PTPRD: variants seen among roughly 807,000 people sequenced by gnomAD.
PTPRD encodes protein tyrosine phosphatase receptor type D.
PTPRD carries 34 observed loss-of-function variants against 214.5 expected under a neutral mutation model. The ratio of observed to expected loss-of-function variants is 0.16; its 90% CI spans 0.12 to 0.21. The LOEUF is 0.21. Ranked by LOEUF, PTPRD falls within the 10% of genes least tolerant of loss-of-function variation. The probability of loss-of-function intolerance (pLI) is 1.00; values close to 1 mark genes in which losing one functional copy is unlikely to be tolerated. For missense variants in PTPRD, 2,545 were observed against 2,398.7 expected (o/e 1.06, Z -1.27); for synonymous variants, 1,128 against 845.7 (o/e 1.33, Z -5.79).
At chr9:10,377,364 A>C (rs1463606744) in intron 2 of PTPRD, among the ~76,000 whole-genome samples, 1 of 151,974 alleles carries the variant, frequency 6.6e-6, no homozygotes, top group Non-Finnish European at 1.5e-5. Context: ...ATATGTATAC[A>C]TGTGCCATGT....
rs201427615 is a variant in PTPRD at position 9,717,954 on chromosome 9, G to C, written c.-287+16579C>G. Among the ~76,000 whole-genome samples, 4 of 152,142 alleles carry C rather than the reference G, an allele frequency of 2.6e-5. No individual in the cohort carries two copies. The East Asian group carries it at 7.8e-4, about 29-fold the overall frequency. ...AAATAAAAAAATCCATTTTGTCTTTGTAAATCTAAGTATAAATTCAAATCA... is the reference window on the plus strand; with the variant it reads ...AAATAAAAAAATCCATTTTGTCTTTCTAAATCTAAGTATAAATTCAAATCA... On this transcript the variant is annotated intron_variant, in intron 7 of 45. Coordinates refer to ENST00000381196, the MANE Select transcript of PTPRD (RefSeq NM_002839.4).
At chr9:9,860,405 A>G (rs2153689196) in intron 5 of PTPRD, among the ~76,000 whole-genome samples, 1 of 152,336 alleles carries the variant, frequency 6.6e-6, no homozygotes, top group Non-Finnish European at 1.5e-5. Flanking sequence ...AAGTAGGTAC[A>G]TTTGCCTTAT....
chr9:10,479,737 G>T (rs1315756664), intron 2 of PTPRD, among the ~76,000 whole-genome samples: 1 of 151,986 alleles, frequency 6.6e-6, no homozygotes, highest in Non-Finnish European at 1.5e-5. Context: ...AGGTAAGGTC[G>T]CTTGAGCCCA....
chr9:9,075,592 G>A (rs1368581596), intron 10 of PTPRD, among the ~76,000 whole-genome samples: 1 of 151,914 alleles, frequency 6.6e-6, no homozygotes, highest in Non-Finnish European at 1.5e-5. Context: ...CCTGATGTGT[G>A]ATGTTCCCCA....
At chr9:10,422,599 A>G (rs1419980955) in intron 2 of PTPRD, among the ~76,000 whole-genome samples, 2 of 152,006 alleles carry the variant, frequency 1.3e-5, no homozygotes, top group African/African-American at 2.4e-5. Context: ...ACTTAAACAA[A>G]TTTACAAGAA....
chr9:9,993,936 A>C (rs2096037975), intron 4 of PTPRD, among the ~76,000 whole-genome samples: 1 of 152,206 alleles, frequency 6.6e-6, no homozygotes, highest in Non-Finnish European at 1.5e-5. Flanking sequence ...CATCTTTTAG[A>C]GTACTACTAC....
At chr9:10,580,347 AT>A (rs1275805244) in intron 2 of PTPRD, among the ~76,000 whole-genome samples, 9 of 152,184 alleles carry the variant, frequency 5.9e-5, no homozygotes, top group African/African-American at 2.2e-4. Context: ...ATGTGATTTG[AT>A]TTCAATCAAC....
In PTPRD at chr9:9,577,106, G is replaced by A. The variant is rs140675056; in HGVS notation, c.-286-2325C>T. On this transcript the variant is annotated intron_variant, in intron 7 of 45. Coordinates refer to ENST00000381196, the MANE Select transcript of PTPRD (RefSeq NM_002839.4). ...ACTTAAGTTCAGGGATTCCAGAAAT[G>A]ATATTCAAAGTATTTGACTAGTTGG... 2.1e-3 allele frequency among the ~76,000 whole-genome samples: 313 copies of A among 152,222 alleles called. 1 individual carries two copies. The highest frequency in any genetic ancestry group is 6.8e-3 in the African/African-American group (282 of 41,538).
chr9:9,793,330 T>C (rs2098980223), intron 5 of PTPRD, among the ~76,000 whole-genome samples: 1 of 152,114 alleles, frequency 6.6e-6, no homozygotes, highest in South Asian at 2.1e-4. Context: ...TTTCTTCCAA[T>C]TACGAAGACA....
chr9:9,671,991 G>T (rs936364448), intron 7 of PTPRD, among the ~76,000 whole-genome samples: 1 of 152,128 alleles, frequency 6.6e-6, no homozygotes, highest in Non-Finnish European at 1.5e-5. Flanking sequence ...AATTGCTACT[G>T]TACATTAAAA....
intron 3 of PTPRD, among the ~76,000 whole-genome samples, chr9:10,088,168 TC>T (rs2098380302): frequency 6.6e-6 from 1 of 151,818 alleles, no homozygotes; most frequent in Non-Finnish European, 1.5e-5. Context: ...GCCATCTTTT[TC>T]TATTGCAATA....
At chr9:8,504,953 T>C (rs1289162451) in intron 22 of PTPRD, among the ~76,000 whole-genome samples, 2 of 152,188 alleles carry the variant, frequency 1.3e-5, no homozygotes, top group Non-Finnish European at 2.9e-5. Flanking sequence ...CAAGTTTTAA[T>C]GGGTAAAATA....
intron 12 of PTPRD, among the ~76,000 whole-genome samples, chr9:8,718,068 A>G (rs1054881341): frequency 3.9e-5 from 6 of 152,220 alleles, no homozygotes; most frequent in African/African-American, 1.4e-4. Flanking sequence ...CTGGAAGAGG[A>G]GGTGAGACCT....
At chr9:9,768,316 G>A (rs961171512) in intron 5 of PTPRD, among the ~76,000 whole-genome samples, 2 of 152,048 alleles carry the variant, frequency 1.3e-5, no homozygotes, top group South Asian at 4.1e-4. Flanking sequence ...CAGTTTTTGG[G>A]ACATAGTGAC....
chr9:10,512,069 A>G (rs1284371963), intron 2 of PTPRD, among the ~76,000 whole-genome samples: 1 of 145,274 alleles, frequency 6.9e-6, no homozygotes, highest in Admixed American at 6.9e-5. Flanking sequence ...TATATGAAGT[A>G]AAAACTATGA....
intron 8 of PTPRD, among the ~76,000 whole-genome samples, chr9:9,401,931 C>A (rs763983740): frequency 1.3e-5 from 2 of 152,014 alleles, no homozygotes; most frequent in Non-Finnish European, 2.9e-5. Flanking sequence ...CCTCCCAAGC[C>A]AAGCAGAACT....
intron 11 of PTPRD, among the ~76,000 whole-genome samples, chr9:8,815,168 G>C (rs1300194654): frequency 6.6e-6 from 1 of 151,552 alleles, no homozygotes; most frequent in East Asian, 1.9e-4. Context: ...AGAGAGAAAT[G>C]TGGAAAGAAG....
intron 10 of PTPRD, among the ~76,000 whole-genome samples, chr9:9,162,887 G>T (rs191732256): frequency 2.6e-5 from 4 of 151,992 alleles, no homozygotes; most frequent in Admixed American, 6.6e-5. Context: ...TACATGTTGC[G>T]AAATGTAGAC....
chr9:9,710,234 A>T (rs1294816345), intron 7 of PTPRD, among the ~76,000 whole-genome samples: 1 of 152,084 alleles, frequency 6.6e-6, no homozygotes, highest in African/African-American at 2.4e-5. Context: ...TTTTCTTTAT[A>T]GAAACTAAAG....
Sources: gnomAD v4.1 joint callset for allele counts (sites outside exome capture counted in the v4.1 genomes callset) on GRCh38, gnomAD v4.1.1 for gene constraint, MANE v1.5 for transcripts, NCBI Gene and HGNC (gene_info 2026-07-23, HGNC 2026-07-21) for gene names.